TEAD1: variants seen among roughly 807,000 people sequenced by gnomAD.
TEAD1 encodes TEA domain transcription factor 1.
In TEAD1, 9 loss-of-function variants were observed where a neutral mutation model predicts 54.9. The observed-to-expected ratio is 0.16, with a 90% CI of 0.10 to 0.29. The LOEUF (loss-of-function observed/expected upper bound fraction) is 0.29. Ranked by LOEUF, TEAD1 falls within the 10% of genes least tolerant of loss-of-function variation. The pLI is 1.00. For missense variants in TEAD1, 387 were observed against 535.9 expected (o/e 0.72, Z 2.74); for synonymous variants, 200 against 187.8 (o/e 1.07, Z -0.53).
At chr11:12,711,767 A>C (rs1212330358) in intron 2 of TEAD1, among the ~76,000 whole-genome samples, 1 of 152,238 alleles carries the variant, frequency 6.6e-6, no homozygotes, top group Non-Finnish European at 1.5e-5. Flanking sequence ...TAATAAAGGC[A>C]AAGTAGCAAA....
chr11:12,860,463 T>TG (rs1278406110), intron 3 of TEAD1, among the ~76,000 whole-genome samples: 3 of 152,194 alleles, frequency 2.0e-5, no homozygotes, highest in African/African-American at 4.8e-5. Flanking sequence ...GACAGAGCCA[T>TG]GACTCTAGGA....
intron 2 of TEAD1, among the ~76,000 whole-genome samples, chr11:12,709,100 G>A (rs1943879544): frequency 6.6e-6 from 1 of 152,166 alleles, no homozygotes; most frequent in Admixed American, 6.5e-5. Context: ...CACTTTGGGA[G>A]GCCAAGTGGG....
At chr11:12,863,677 A>G (rs1947553943) in intron 4 of TEAD1, among the ~76,000 whole-genome samples, 1 of 152,140 alleles carries the variant, frequency 6.6e-6, no homozygotes, top group Non-Finnish European at 1.5e-5. Context: ...AGTGGATCTA[A>G]TCATCTACAT....
chr11:12,923,702 A>G (rs11022559), intron 10 of TEAD1, among the ~76,000 whole-genome samples: 17,873 of 152,152 alleles, frequency 0.12, 1,238 homozygotes, highest in East Asian at 0.17. Context: ...GATGTCCAAG[A>G]TCGAATCTGT....
chr11:12,909,470 A>T (rs1948579568), intron 10 of TEAD1, among the ~76,000 whole-genome samples: 1 of 146,012 alleles, frequency 6.8e-6, no homozygotes, highest in East Asian at 1.9e-4. Flanking sequence ...TGGGAGTTGA[A>T]CAATGAGAAC....
At chr11:12,863,501 GA>G (rs200113652) in intron 4 of TEAD1, among the ~76,000 whole-genome samples, 14 of 150,440 alleles carry the variant, frequency 9.3e-5, no homozygotes, top group African/African-American at 3.2e-4. Flanking sequence ...AAGCAAATTG[GA>G]AAAAAAAATA....
At chr11:12,856,045 C>T (rs1348269137) in intron 3 of TEAD1, among the ~76,000 whole-genome samples, 1 of 151,748 alleles carries the variant, frequency 6.6e-6, no homozygotes, top group African/African-American at 2.4e-5. Context: ...GTAAACCACT[C>T]TCCCCATGCT....
chr11:12,725,434 C>T (rs542039734), intron 2 of TEAD1, among the ~76,000 whole-genome samples: 1 of 152,240 alleles, frequency 6.6e-6, no homozygotes, highest in South Asian at 2.1e-4. Context: ...TTAACAACAA[C>T]GTATTGTGTA....
chr11:12,727,127 C>T (rs537346449), intron 2 of TEAD1, among the ~76,000 whole-genome samples: 1 of 152,248 alleles, frequency 6.6e-6, no homozygotes, highest in South Asian at 2.1e-4. Context: ...GTAGTCCCAG[C>T]TACTTGGGAA....
intron 10 of TEAD1, among the ~76,000 whole-genome samples, chr11:12,919,843 A>T (rs1173444088): frequency 6.6e-6 from 1 of 152,136 alleles, no homozygotes; most frequent in Non-Finnish European, 1.5e-5. Context: ...TTTATTTTAT[A>T]TATAGAACAT....
intron 3 of TEAD1, among the ~76,000 whole-genome samples, chr11:12,773,442 A>T (rs571569792): frequency 1.1e-4 from 16 of 152,234 alleles, no homozygotes; most frequent in Admixed American, 3.3e-4. Context: ...TGTCATCACC[A>T]TTGTTTATTT....
chr11:12,706,342 T>G (rs1411592954), intron 2 of TEAD1, among the ~76,000 whole-genome samples: 2 of 152,232 alleles, frequency 1.3e-5, no homozygotes, highest in African/African-American at 4.8e-5. Flanking sequence ...TGGGTTAGTT[T>G]AATTCAATGG....
intron 10 of TEAD1, among the ~76,000 whole-genome samples, chr11:12,916,398 G>A (rs1948712818): frequency 6.6e-6 from 1 of 152,144 alleles, no homozygotes; most frequent in Non-Finnish European, 1.5e-5. Context: ...ACAGACTCTT[G>A]TCTCGTTGAG....
intron 3 of TEAD1, among the ~76,000 whole-genome samples, chr11:12,860,944 A>G (rs1168074390): frequency 6.6e-6 from 1 of 152,202 alleles, no homozygotes; most frequent in African/African-American, 2.4e-5. Flanking sequence ...AATCTAGCAC[A>G]ATGGTCTCAG....
chr11:12,833,478 A>G (rs1020322426), intron 3 of TEAD1, among the ~76,000 whole-genome samples: 2 of 152,196 alleles, frequency 1.3e-5, no homozygotes, highest in Non-Finnish European at 2.9e-5. Flanking sequence ...AAGGAGAACT[A>G]TAAGTAGCTT....
chr11:12,857,296 A>C (rs940843433), intron 3 of TEAD1, among the ~76,000 whole-genome samples: 1 of 152,228 alleles, frequency 6.6e-6, no homozygotes, highest in Non-Finnish European at 1.5e-5. Context: ...CTTGCTGCTT[A>C]TGTGCAGCCG....
intron 3 of TEAD1, among the ~76,000 whole-genome samples, chr11:12,852,290 G>T (rs536573427): frequency 4.7e-4 from 72 of 152,148 alleles, no homozygotes; most frequent in Non-Finnish European, 8.2e-4. Flanking sequence ...GTTGGTATAG[G>T]AAGGCAACAT....
At chr11:12,877,971 T>TG (rs1422235408) in intron 5 of TEAD1, among the ~76,000 whole-genome samples, 9 of 151,076 alleles carry the variant, frequency 6.0e-5, no homozygotes, top group African/African-American at 1.2e-4. Context: ...CTAATTTTTT[T>TG]TTTTGTGTGT....
chr11:12,818,795 C>G (rs763373), intron 3 of TEAD1, among the ~76,000 whole-genome samples: 52,632 of 152,106 alleles, frequency 0.35, 9,930 homozygotes, highest in South Asian at 0.61. Context: ...ACCGGAAATA[C>G]TTGTAACCTT....
Sources: gnomAD v4.1 joint callset for allele counts (sites outside exome capture counted in the v4.1 genomes callset) on GRCh38, gnomAD v4.1.1 for gene constraint, MANE v1.5 for transcripts, NCBI Gene and HGNC (gene_info 2026-07-23, HGNC 2026-07-21) for gene names.